Variants in PIGL observed in about 807,000 individuals in gnomAD.
PIGL encodes the protein N-acetylglucosaminyl-phosphatidylinositol de-N-acetylase.
PIGL carries 22 observed loss-of-function variants against 31.1 expected under a neutral mutation model. That is an observed-to-expected ratio of 0.71 (90% CI 0.51 to 1.01). The LOEUF (loss-of-function observed/expected upper bound fraction) is 1.01. PIGL is among the 50% of genes least tolerant of loss of function. The probability of loss-of-function intolerance (pLI) is 0.00; values close to 1 mark genes in which losing one functional copy is unlikely to be tolerated. For missense variants in PIGL, 302 were observed against 315.9 expected (o/e 0.96, Z 0.33); for synonymous variants, 131 against 117.4 (o/e 1.12, Z -0.75).
At chr17:16,282,161 C>A (rs1463892420) in intron 2 of PIGL, 1 of 424,896 alleles carries the variant, frequency 2.4e-6, no homozygotes, top group Non-Finnish European at 5.2e-6. Flanking sequence ...TAGCACATAT[C>A]CCAAATTTCC....
At chr17:16,284,878 ACTCTTT>A (rs540219020) in intron 2 of PIGL, among the ~76,000 whole-genome samples, 111 of 152,228 alleles carry the variant, frequency 7.3e-4, no homozygotes, top group South Asian at 1.5e-3. Context: ...TGAATTAATT[ACTCTTT>A]CTCTATTGCA....
At chr17:16,302,310 A>G (rs1180565961) in intron 3 of PIGL, among the ~76,000 whole-genome samples, 1 of 152,168 alleles carries the variant, frequency 6.6e-6, no homozygotes, top group Non-Finnish European at 1.5e-5. Flanking sequence ...TGTTAGATCC[A>G]TGGGCTTAGG....
In PIGL at chr17:16,221,664, G is replaced by T. The variant is rs2092629954; in HGVS notation, c.235+4203G>T. ...GTTTTGAGTCTAGCTCTGTCTCCCA[G>T]GCTGGAGTGCAGTGGCACAATCTCG... is the stretch of plus-strand genomic sequence containing the variant. On this transcript the variant is annotated intron_variant, in intron 1 of 6. Coordinates refer to ENST00000225609, the MANE Select transcript of PIGL (RefSeq NM_004278.4). Among the ~76,000 whole-genome samples, 4 of 151,984 alleles carry T rather than the reference G, an allele frequency of 2.6e-5. No individual in the cohort carries two copies. The South Asian group carries it at 8.3e-4, about 32-fold the overall frequency.
intron 1 of PIGL, among the ~76,000 whole-genome samples, chr17:16,220,487 T>A (rs574817659): frequency 0.47 from 60,722 of 128,800 alleles, 15,218 homozygotes; most frequent in Middle Eastern, 0.58. Flanking sequence ...GTTATTTTTT[T>A]TTTTTTTTTT....
At chr17:16,268,193 G>A (rs1302603886) in intron 2 of PIGL, among the ~76,000 whole-genome samples, 2 of 152,148 alleles carry the variant, frequency 1.3e-5, no homozygotes, top group African/African-American at 4.8e-5. Context: ...GAGTTGAAAG[G>A]TAGGCTTGTG....
At chr17:16,266,379 A>G (rs1253632998) in intron 2 of PIGL, among the ~76,000 whole-genome samples, 1 of 117,776 alleles carries the variant, frequency 8.5e-6, no homozygotes, top group Admixed American at 1.1e-4. Flanking sequence ...ACAGAGCGAG[A>G]CTCCATCTCA....
At chr17:16,294,234 G>A (rs2092972119) in intron 2 of PIGL, among the ~76,000 whole-genome samples, 1 of 152,182 alleles carries the variant, frequency 6.6e-6, no homozygotes, top group African/African-American at 2.4e-5. Flanking sequence ...CTCCTGCCAG[G>A]TCACATGGAA....
At position 16,283,415 on chromosome 17, in the gene PIGL, C is replaced by T. The variant is rs575029484; in HGVS notation, c.336-16473C>T. Among the ~76,000 whole-genome samples the T allele has an allele frequency of 2.6e-5, 4 of 152,254 alleles. No homozygotes were observed. The South Asian group carries it at 8.3e-4, about 32-fold the overall frequency. Reference sequence around the variant, plus strand: ...CCTAGGAGGTTGAGGCTGCAGTGAGCTGTGTTTGCACCACTGCACTCCAGC... The same window carrying T: ...CCTAGGAGGTTGAGGCTGCAGTGAGTTGTGTTTGCACCACTGCACTCCAGC... On this transcript the variant is annotated intron_variant, in intron 2 of 6. Coordinates refer to ENST00000225609, the MANE Select transcript of PIGL (RefSeq NM_004278.4).
chr17:16,233,648 C>A (rs2092687825), intron 1 of PIGL, among the ~76,000 whole-genome samples: 1 of 152,108 alleles, frequency 6.6e-6, no homozygotes, highest in Admixed American at 6.6e-5. Flanking sequence ...TGGTGTGATC[C>A]TAAATCTGCT....
chr17:16,259,436 C>T (rs190134033), intron 2 of PIGL, among the ~76,000 whole-genome samples: 223 of 151,668 alleles, frequency 1.5e-3, no homozygotes, highest in Admixed American at 2.6e-3. Context: ...TTTGGGAGGC[C>T]GAGGCAGGAG....
At chr17:16,257,286 G>A (rs529332466) in intron 2 of PIGL, among the ~76,000 whole-genome samples, 131 of 152,064 alleles carry the variant, frequency 8.6e-4, no homozygotes, top group African/African-American at 2.8e-3. Flanking sequence ...GCCTGGCGGC[G>A]GGCGCCTGTA....
At chr17:16,241,486 G>C (rs906104229) in intron 2 of PIGL, among the ~76,000 whole-genome samples, 1 of 151,778 alleles carries the variant, frequency 6.6e-6, no homozygotes, top group Non-Finnish European at 1.5e-5. Flanking sequence ...AGAATCACTT[G>C]AACCTGGGAG....
chr17:16,277,452 A>C (rs1207132015), intron 2 of PIGL, among the ~76,000 whole-genome samples: 1 of 152,222 alleles, frequency 6.6e-6, no homozygotes, highest in African/African-American at 2.4e-5. Context: ...TTAATAGCTC[A>C]AAAGAAAAAT....
At chr17:16,270,474 A>G (rs1384145180) in intron 2 of PIGL, among the ~76,000 whole-genome samples, 1 of 151,954 alleles carries the variant, frequency 6.6e-6, no homozygotes, top group Non-Finnish European at 1.5e-5. Context: ...AAATTAATAA[A>G]AATTGTGATC....
chr17:16,247,758 A>C (rs1356939582), intron 2 of PIGL, among the ~76,000 whole-genome samples: 1 of 151,994 alleles, frequency 6.6e-6, no homozygotes, highest in Non-Finnish European at 1.5e-5. Flanking sequence ...CTTTCGTCCC[A>C]CCCGATTTTT....
At chr17:16,258,582 C>T (rs2092806976) in intron 2 of PIGL, among the ~76,000 whole-genome samples, 1 of 152,048 alleles carries the variant, frequency 6.6e-6, no homozygotes, top group African/African-American at 2.4e-5. Flanking sequence ...CAGCTCACTG[C>T]AACCTCCGCC....
At chr17:16,273,816 A>G (rs559873907) in intron 2 of PIGL, among the ~76,000 whole-genome samples, 2 of 152,322 alleles carry the variant, frequency 1.3e-5, no homozygotes, top group South Asian at 4.1e-4. Flanking sequence ...CACCAAAAAT[A>G]TCACTCTGCC....
chr17:16,318,946 A>C (rs1027025262), intron 6 of PIGL, among the ~76,000 whole-genome samples: 2 of 151,032 alleles, frequency 1.3e-5, no homozygotes, highest in Non-Finnish European at 3.0e-5. Flanking sequence ...AAAACAACAA[A>C]AAACCTGCTT....
chr17:16,306,584 A>G (rs1332407105), intron 3 of PIGL, among the ~76,000 whole-genome samples: 3 of 144,384 alleles, frequency 2.1e-5, no homozygotes, highest in East Asian at 4.1e-4. Flanking sequence ...GATGGAGTGC[A>G]ATGGCGCGAT....
Sources: gnomAD v4.1 joint callset for allele counts (sites outside exome capture counted in the v4.1 genomes callset) on GRCh38, gnomAD v4.1.1 for gene constraint, MANE v1.5 for transcripts, NCBI Gene and HGNC (gene_info 2026-07-23, HGNC 2026-07-21) for gene names.